PDIA3: variants seen among roughly 807,000 people sequenced by gnomAD.
The protein encoded by PDIA3 is protein disulfide-isomerase A3.
Under a neutral mutation model 56.9 loss-of-function variants are expected in PDIA3, and 16 were observed. That is an observed-to-expected ratio of 0.28 (90% CI 0.19 to 0.43). The LOEUF (loss-of-function observed/expected upper bound fraction) is 0.43, where lower values mean the gene tolerates loss of function less well. PDIA3 is among the 20% of genes least tolerant of loss of function. PDIA3 has a pLI of 1.00. For synonymous variants in PDIA3, 192 were observed against 216.5 expected, an observed-to-expected ratio of 0.89 and a Z score of 0.99; for missense variants, 485 against 621.3, an observed-to-expected ratio of 0.78 and a Z score of 2.33.
rs143591183 is a variant in PDIA3, at chr15:43,753,816, G to A, written c.168-8G>A. 1.4e-3 allele frequency: 2,235 copies of A among 1,603,134 alleles called. 14 individuals carry two copies. The African/African-American group carries it at 0.015, about 11-fold the overall frequency. Reference sequence around the variant, plus strand: ...ACTGAGAATTTGGCTTTTTTAATACGTATATAGGTGTGGACACTGCAAGAG... The same window carrying A: ...ACTGAGAATTTGGCTTTTTTAATACATATATAGGTGTGGACACTGCAAGAG... On this transcript the variant is annotated splice_region_variant and splice_polypyrimidine_tract_variant and intron_variant, in intron 1 of 12. Transcript: ENST00000300289.
chr15:43,756,545 C>G (rs1303678005), intron 2 of PDIA3, 104 bp from the exon 3 acceptor site: 1 of 716,746 alleles, frequency 1.4e-6, no homozygotes, highest in Non-Finnish European at 2.5e-6. Flanking sequence ...CCAAGAATTC[C>G]TTGATCCCCT....
At chr15:43,752,280 C>T (rs150548618) in intron 1 of PDIA3, among the ~76,000 whole-genome samples, 15 of 152,308 alleles carry the variant, frequency 9.8e-5, no homozygotes, top group African/African-American at 2.6e-4. Context: ...CCAATTGTTA[C>T]TCCCTTTAAA....
At chr15:43,750,204 C>T (rs867842691) in intron 1 of PDIA3, among the ~76,000 whole-genome samples, 30 of 141,352 alleles carry the variant, frequency 2.1e-4, no homozygotes, top group African/African-American at 7.6e-4. Flanking sequence ...TAAGTAGAGA[C>T]CAGGTTTCAC....
chr15:43,768,187 A>G lies in PDIA3; in HGVS notation c.1029-302A>G, dbSNP rs17728926. ...GAAAATCTTCCTTGTGAGCCAGTCA[A>G]TAAAACAAAATACTGTAAATAGTGT... On this transcript the variant is annotated intron_variant, in intron 8 of 12. Transcript: ENST00000300289. Among the ~76,000 whole-genome samples the G allele has an allele frequency of 5.6e-3, 848 of 152,320 alleles. 3 individuals are homozygous for G. Among genetic ancestry groups the G allele is most frequent in the Non-Finnish European group, 9.2e-3 (624 of 68,032 alleles).
At chr15:43,759,749 A>G (rs1457455779) in intron 3 of PDIA3, among the ~76,000 whole-genome samples, 2 of 152,216 alleles carry the variant, frequency 1.3e-5, no homozygotes, top group African/African-American at 4.8e-5. Flanking sequence ...GATTCCACTT[A>G]CATGAGGTAG....
In PDIA3 at chr15:43,746,606, G is replaced by T; in HGVS notation, c.67G>T (p.Ala23Ser). 6.2e-7 allele frequency: 1 copy of T among 1,612,338 alleles called. No homozygotes were observed. The change falls in exon 1 of 13, where the codon GCT becomes TCT. Residue 23 changes from alanine (A) to serine (S), a missense_variant. Ala to Ser is a moderately conservative substitution (Grantham distance 99). Coordinates refer to ENST00000300289, the MANE Select transcript of PDIA3 (RefSeq NM_005313.5). ...GCTTCTTGCCGCGGCCCGCCTCGCC[G>T]CTGCCTCCGACGTGCTAGAACTCAC... Reference protein sequence around the residue: ...ALLLAAARLAAASDVLELTDD... With the variant: ...ALLLAAARLASASDVLELTDD...
rs1342081843 is a variant in PDIA3, at chr15:43,772,472, C to G, written c.*1254C>G. The G allele has an allele frequency of 1.3e-5, 2 of 152,220 alleles. No individual in the cohort carries two copies. Among genetic ancestry groups the G allele is most frequent in the Non-Finnish European group, 2.9e-5 (2 of 68,040 alleles). The allele number at this position is 152,220 out of a possible 1,614,324, so 9.4% of individuals were successfully genotyped here. A position where few individuals can be genotyped will look rare whatever the true frequency, so the allele number is the denominator to read the frequency against. On this transcript the variant is annotated 3_prime_UTR_variant, in exon 13 of 13. Transcript: ENST00000300289. ...AGATGTCTAAACCATAATCTTGTAA[C>G]TCATAACATCTGGGCTGGGGCCCGG...
intron 10 of PDIA3, 118 bp downstream of exon 10, chr15:43,769,764 A>C: frequency 9.0e-7 from 1 of 1,114,174 alleles, no homozygotes; most frequent in Non-Finnish European, 1.3e-6. Context: ...TTTCCCAATT[A>C]CTTGCTGTTT....
chr15:43,757,983 G>A (rs1483681395), intron 3 of PDIA3, among the ~76,000 whole-genome samples: 9 of 151,376 alleles, frequency 5.9e-5, no homozygotes, highest in South Asian at 2.1e-4. Context: ...GGTGGCTCAC[G>A]CCTGTAATCC....
chr15:43,761,691 A>G (rs149983832), intron 4 of PDIA3, among the ~76,000 whole-genome samples, 160 bp downstream of exon 4: 35 of 152,156 alleles, frequency 2.3e-4, no homozygotes, highest in Admixed American at 1.0e-3. Flanking sequence ...AATGTACTAT[A>G]TAGTACATTA....
At chr15:43,752,458 A>G (rs1228523929) in intron 1 of PDIA3, among the ~76,000 whole-genome samples, 2 of 152,234 alleles carry the variant, frequency 1.3e-5, no homozygotes, top group Admixed American at 1.3e-4. Context: ...TCTTAATATC[A>G]GGAAAAAACA....
chr15:43,768,474 GTT>G lies in PDIA3; in HGVS notation c.1029-12_1029-11del. On this transcript the variant is annotated splice_polypyrimidine_tract_variant and intron_variant, in intron 8 of 12. Coordinates refer to ENST00000300289, the MANE Select transcript of PDIA3 (RefSeq NM_005313.5). ...GAATAGATTAACAAGCCTTACCCTTGTTTTCCAATTGTAGGCGTGATGGGAAG... is the reference window on the plus strand; with the variant it reads ...GAATAGATTAACAAGCCTTACCCTTGTTCCAATTGTAGGCGTGATGGGAAG... 1.3e-6 allele frequency: 2 copies of G among 1,587,990 alleles called. No homozygotes were observed. The highest frequency in any genetic ancestry group is 1.7e-6 in the Non-Finnish European group (2 of 1,156,440).
At chr15:43,752,449 C>G (rs1358013033) in intron 1 of PDIA3, among the ~76,000 whole-genome samples, 1 of 152,154 alleles carries the variant, frequency 6.6e-6, no homozygotes, top group Non-Finnish European at 1.5e-5. Flanking sequence ...CAAAATACAT[C>G]TTAATATCAG....
intron 1 of PDIA3, among the ~76,000 whole-genome samples, chr15:43,753,324 C>T (rs752336081): frequency 1.4e-4 from 22 of 152,148 alleles, no homozygotes; most frequent in Admixed American, 3.9e-4. Context: ...GTGATCTACT[C>T]GCCTTGGCCT....
chr15:43,756,212 A>G (rs1325865396), intron 2 of PDIA3, among the ~76,000 whole-genome samples: 1 of 152,172 alleles, frequency 6.6e-6, no homozygotes, highest in Non-Finnish European at 1.5e-5. Flanking sequence ...CTTTGATAAT[A>G]GCTCTAGATG....
intron 1 of PDIA3, among the ~76,000 whole-genome samples, chr15:43,747,440 T>G (rs893179853): frequency 1.3e-5 from 2 of 152,206 alleles, no homozygotes; most frequent in African/African-American, 4.8e-5. Context: ...TACTCCACTT[T>G]AGGGTGACTT....
rs1480891019 is a variant in PDIA3, at chr15:43,756,534, G to C, written c.247-115G>C. 4 of 693,710 alleles carry C rather than the reference G, an allele frequency of 5.8e-6. No homozygotes were observed. In the African/African-American group the frequency reaches 7.1e-5, roughly 12 times the overall value. 43.0% of individuals were successfully genotyped at this position (693,710 alleles called of 1,614,324 possible). A position where few individuals can be genotyped will look rare whatever the true frequency, so the allele number is the denominator to read the frequency against. On this transcript the variant is annotated intron_variant, in intron 2 of 12. Transcript: ENST00000300289. ...AAATCTAATGTTCTGTGGCATATAT[G>C]CCAAGAATTCCTTGATCCCCTTAGG... is the stretch of plus-strand genomic sequence containing the variant.
chr15:43,749,092 T>C (rs749964638), intron 1 of PDIA3, among the ~76,000 whole-genome samples: 57 of 150,346 alleles, frequency 3.8e-4, no homozygotes, highest in Non-Finnish European at 8.2e-4. Context: ...TTTTGTTTTG[T>C]TTTGTTTTGT....
At chr15:43,749,236 G>C (rs1343351270) in intron 1 of PDIA3, among the ~76,000 whole-genome samples, 1 of 152,050 alleles carries the variant, frequency 6.6e-6, no homozygotes, top group African/African-American at 2.4e-5. Flanking sequence ...TGGGATTACA[G>C]GCACGCACCA....
Sources: gnomAD v4.1 joint callset for allele counts (sites outside exome capture counted in the v4.1 genomes callset) on GRCh38, gnomAD v4.1.1 for gene constraint, MANE v1.5 for transcripts, NCBI Gene and HGNC (gene_info 2026-07-23, HGNC 2026-07-21) for gene names.